RBM46: variants seen among roughly 807,000 people sequenced by gnomAD.
RBM46 encodes RNA binding motif protein 46.
In RBM46, 12 loss-of-function variants were observed where a neutral mutation model predicts 43.3. That is an observed-to-expected ratio of 0.28 (90% CI 0.18 to 0.45). RBM46 has a LOEUF of 0.45. Among genes scored for constraint, RBM46 ranks in the 20% least tolerant of loss-of-function variants. The pLI is 1.00. For missense variants in RBM46, 412 were observed against 639.1 expected, an observed-to-expected ratio of 0.64 and a Z score of 3.83; for synonymous variants, 205 against 207.6, an observed-to-expected ratio of 0.99 and a Z score of 0.11.
intron 4 of RBM46, among the ~76,000 whole-genome samples, chr4:154,822,354 A>G (rs1025462834): frequency 4.0e-5 from 6 of 151,582 alleles, no homozygotes; most frequent in African/African-American, 1.2e-4. Flanking sequence ...TAATCTTTAG[A>G]TAATTTAAAA....
intron 4 of RBM46, among the ~76,000 whole-genome samples, chr4:154,813,643 A>G (rs1169796101): frequency 6.6e-6 from 1 of 152,074 alleles, no homozygotes; most frequent in East Asian, 1.9e-4. Context: ...AGGAAATGTC[A>G]GTCGCTTATT....
intron 4 of RBM46, among the ~76,000 whole-genome samples, chr4:154,821,856 A>G (rs1292728550): frequency 6.6e-6 from 1 of 151,854 alleles, no homozygotes; most frequent in East Asian, 1.9e-4. Flanking sequence ...AAAACTGTAT[A>G]CTAAATACTT....
At chr4:154,823,062 A>G (rs899735275) in intron 4 of RBM46, among the ~76,000 whole-genome samples, 9 of 151,896 alleles carry the variant, frequency 5.9e-5, no homozygotes, top group Admixed American at 5.9e-4. Flanking sequence ...ACAATGTGTA[A>G]TCTAGCTATA....
At chr4:154,827,749 A>G (rs978627330) in intron 4 of RBM46, 119 bp from the exon 5 acceptor site, 23 of 1,532,496 alleles carry the variant, frequency 1.5e-5, no homozygotes, top group South Asian at 9.0e-5. Flanking sequence ...AGTATCATCA[A>G]GATTTCCAGT....
At chr4:154,803,048 TG>T (rs1734715637) in intron 4 of RBM46, among the ~76,000 whole-genome samples, 1 of 152,170 alleles carries the variant, frequency 6.6e-6, no homozygotes, top group South Asian at 2.1e-4. Flanking sequence ...ATTGCTGTTA[TG>T]AAAAAAAATG....
intron 4 of RBM46, chr4:154,820,315 T>A: frequency 8.1e-7 from 1 of 1,239,436 alleles, no homozygotes; most frequent in Non-Finnish European, 1.1e-6. Context: ...AAGATAGGGA[T>A]AACATCAATC....
intron 1 of RBM46, among the ~76,000 whole-genome samples, chr4:154,782,671 CAG>C (rs1733555343): frequency 6.6e-6 from 1 of 152,086 alleles, no homozygotes. Flanking sequence ...TTAGTAGAGA[CAG>C]GGTTTCACCA....
chr4:154,814,843 CT>C (rs75441335), intron 4 of RBM46, among the ~76,000 whole-genome samples: 6,683 of 151,378 alleles, frequency 0.044, 471 homozygotes, highest in African/African-American at 0.15. Flanking sequence ...CCCTCCCCCC[CT>C]TTTTTTTAAA....
intron 1 of RBM46, among the ~76,000 whole-genome samples, chr4:154,786,058 A>G (rs974431404): frequency 6.6e-6 from 1 of 152,212 alleles, no homozygotes; most frequent in African/African-American, 2.4e-5. Flanking sequence ...TTAAAAGACA[A>G]AAGACTGAAA....
At chr4:154,812,942 A>G (rs1259959419) in intron 4 of RBM46, among the ~76,000 whole-genome samples, 1 of 152,138 alleles carries the variant, frequency 6.6e-6, no homozygotes, top group East Asian at 1.9e-4. Flanking sequence ...CTTTTTCTTT[A>G]TGATATTACT....
chr4:154,813,610 C>T (rs554266096), intron 4 of RBM46, among the ~76,000 whole-genome samples: 2 of 151,920 alleles, frequency 1.3e-5, no homozygotes, highest in South Asian at 2.1e-4. Flanking sequence ...TAATCTATAA[C>T]GTTTGATCAA....
Position 154,795,064 on chromosome 4 carries a change from C to T in RBM46, c.-11-1678C>T, listed in dbSNP as rs1349338984. 2.0e-5 allele frequency among the ~76,000 whole-genome samples: 3 copies of T among 152,132 alleles called. No individual in the cohort carries two copies. In the South Asian group the frequency reaches 6.2e-4, roughly 32 times the overall value. On this transcript the variant is annotated intron_variant, in intron 1 of 4. Coordinates refer to ENST00000281722, the MANE Select transcript of RBM46 (RefSeq NM_144979.5). ...AATGAATGCATTTTGAATTTGCAGG[C>T]TCTGCTGTGCAGTTTGTTTTTCTTA...
intron 1 of RBM46, chr4:154,782,023 C>T (rs1048154835): frequency 6.6e-6 from 1 of 152,572 alleles, no homozygotes; most frequent in East Asian, 1.9e-4. Context: ...CTAGCCGGGA[C>T]TGAGCCTCGA....
At chr4:154,795,912 C>A (rs1294300468) in intron 1 of RBM46, among the ~76,000 whole-genome samples, 1 of 152,114 alleles carries the variant, frequency 6.6e-6, no homozygotes, top group Non-Finnish European at 1.5e-5. Flanking sequence ...AACCCCAGCA[C>A]TTTGGGAGGC....
chr4:154,802,609 A>G (rs549896304), intron 4 of RBM46, among the ~76,000 whole-genome samples: 1 of 152,336 alleles, frequency 6.6e-6, no homozygotes, highest in South Asian at 2.1e-4. Context: ...TACGTAGTCC[A>G]AGGATTGAAT....
chr4:154,790,091 A>G (rs1176975612), intron 1 of RBM46, among the ~76,000 whole-genome samples: 2 of 152,088 alleles, frequency 1.3e-5, no homozygotes, highest in African/African-American at 4.8e-5. Flanking sequence ...CTAGTGGTCT[A>G]TCAATTTTGT....
chr4:154,818,950 T>C (rs1305255337), intron 4 of RBM46, among the ~76,000 whole-genome samples: 1 of 152,182 alleles, frequency 6.6e-6, no homozygotes, highest in Non-Finnish European at 1.5e-5. Flanking sequence ...TAGTCTTTTA[T>C]TTTCTTGAGT....
At chr4:154,796,699 A>G (rs551850519) in intron 1 of RBM46, 43 bp from the exon 2 acceptor site, 1 of 1,322,520 alleles carries the variant, frequency 7.6e-7, no homozygotes, top group East Asian at 2.4e-5. Context: ...GATTCTTGGT[A>G]TTCTGTTGTA....
At chr4:154,810,882 T>C (rs1203903991) in intron 4 of RBM46, among the ~76,000 whole-genome samples, 1 of 152,218 alleles carries the variant, frequency 6.6e-6, no homozygotes, top group Non-Finnish European at 1.5e-5. Flanking sequence ...ATTTTTATTC[T>C]CGTAAGAATA....
Sources: allele counts gnomAD v4.1 joint callset (sites outside exome capture counted in the v4.1 genomes callset), GRCh38; gene constraint gnomAD v4.1.1; transcripts MANE v1.5; gene names NCBI Gene and HGNC (gene_info 2026-07-23, HGNC 2026-07-21).